ARL17A: variants seen among roughly 807,000 people sequenced by gnomAD.
The protein encoded by ARL17A is ADP-ribosylation factor-like 17-like.
chr17:46,550,883 T>C (rs1472562648), downstream of ARL17A, among the ~76,000 whole-genome samples: 1 of 146,612 alleles, frequency 6.8e-6, no homozygotes, highest in Non-Finnish European at 1.5e-5. Context: ...AGGTATAATC[T>C]CCACCCTCAC....
At chr17:46,548,668 A>C, downstream of ARL17A, 1 of 1,607,382 alleles carries the variant, frequency 6.2e-7, no homozygotes, top group South Asian at 1.1e-5. Flanking sequence ...CATCCAGAAA[A>C]GGCACTTCAA....
intron 3 of ARL17A, among the ~76,000 whole-genome samples, chr17:46,545,267 A>G (rs2056104754): frequency 7.1e-6 from 1 of 141,022 alleles, no homozygotes; most frequent in Non-Finnish European, 1.5e-5. Flanking sequence ...CTCTGTCACT[A>G]CTGAAAATAC....
At chr17:46,542,879 T>C (rs1172866236) in intron 3 of ARL17A, among the ~76,000 whole-genome samples, 1 of 150,300 alleles carries the variant, frequency 6.7e-6, no homozygotes, top group Non-Finnish European at 1.5e-5. Flanking sequence ...AAGATTAGCA[T>C]GGAAAGGGCC....
chr17:46,558,578 A>C (rs2057418910), intron 3 of ARL17A, among the ~76,000 whole-genome samples: 1 of 128,464 alleles, frequency 7.8e-6, no homozygotes, highest in Admixed American at 7.7e-5. Flanking sequence ...TTTTTTCTAA[A>C]AACAGTTTCA....
rs1215569056 is a variant in ARL17A, at chr17:46,542,286, TCTC to T, written c.260-3863_260-3861del. ...GTCTAATCCAGCGTCTAAAAGATTT[TCTC>T]CTATGTCTTCTCCCAGAAATGATAC... On this transcript the variant is annotated intron_variant, in intron 3 of 4. Coordinates refer to the ARL17A transcript ENST00000329240. Among the ~76,000 whole-genome samples, 12 of 147,556 alleles carry T rather than the reference TCTC, an allele frequency of 8.1e-5. 1 individual carries two copies. Among genetic ancestry groups the T allele is most frequent in the African/African-American group, 2.9e-4 (11 of 37,892 alleles).
intron 3 of ARL17A, among the ~76,000 whole-genome samples, chr17:46,544,988 G>A (rs1202659810): frequency 7.1e-6 from 1 of 140,338 alleles, no homozygotes; most frequent in Non-Finnish European, 1.5e-5. Flanking sequence ...CCACAATCCA[G>A]ATTTGTCTGT....
At chr17:46,537,161 CTTT>C (rs1212155417) in intron 4 of ARL17A, among the ~76,000 whole-genome samples, 13 of 7,774 alleles carry the variant, frequency 1.7e-3, no homozygotes, top group Admixed American at 3.7e-3. Flanking sequence ...TTGGATGTCT[CTTT>C]TTTTTTTTTT....
intron 4 of ARL17A, among the ~76,000 whole-genome samples, chr17:46,533,218 G>A (rs1445314019): frequency 6.9e-5 from 7 of 100,836 alleles, no homozygotes; most frequent in Admixed American, 6.2e-4. Flanking sequence ...AGGAGTTTGA[G>A]ACCAGCCTGG....
At position 46,520,912 on chromosome 17, in the gene ARL17A, C is replaced by A; in HGVS notation, c.260-3679G>T. Among the ~76,000 whole-genome samples the A allele has an allele frequency of 2.6e-5, 2 of 78,346 alleles. 1 individual carries two copies. The highest frequency in any genetic ancestry group is 4.9e-4 in the East Asian group (2 of 4,102). The allele number at this position is 78,346 out of a possible 152,430, so 51.4% of individuals were successfully genotyped here. A position where few individuals can be genotyped will look rare whatever the true frequency, so the allele number is the denominator to read the frequency against. On this transcript the variant is annotated intron_variant, in intron 3 of 4. Transcript: ENST00000445552. Reference sequence around the variant, plus strand: ...GGTAATTTAATCGGAATTAAATTAACATTTAAATATTAAAAATAGCTGAAT... The same window carrying A: ...GGTAATTTAATCGGAATTAAATTAAAATTTAAATATTAAAAATAGCTGAAT...
intron 4 of ARL17A, among the ~76,000 whole-genome samples, chr17:46,534,730 G>C (rs1598409525): frequency 6.7e-6 from 1 of 150,002 alleles, no homozygotes; most frequent in African/African-American, 2.5e-5. Context: ...CAGACGGGGT[G>C]GCGGCCGGGC....
At chr17:46,533,604 C>T (rs866629060) in intron 4 of ARL17A, among the ~76,000 whole-genome samples, 32 of 105,244 alleles carry the variant, frequency 3.0e-4, no homozygotes, top group South Asian at 3.0e-4. Context: ...CAGGTTCAAG[C>T]GATTCTAGTG....
chr17:46,541,184 C>A (rs1303720918), intron 3 of ARL17A, among the ~76,000 whole-genome samples: 1 of 146,218 alleles, frequency 6.8e-6, no homozygotes, highest in African/African-American at 2.7e-5. Context: ...TTGCCTTTTC[C>A]AGAATGTCTT....
chr17:46,502,851 T>G, the ARL17A span, among the ~76,000 whole-genome samples: 1 of 150,918 alleles, frequency 6.6e-6, no homozygotes, highest in Admixed American at 6.6e-5. Flanking sequence ...GTTTCCTAGA[T>G]GTTCCGAAAG....
intron 4 of ARL17A, among the ~76,000 whole-genome samples, chr17:46,529,063 C>G (rs1050054357): frequency 1.9e-5 from 2 of 106,408 alleles, no homozygotes; most frequent in African/African-American, 6.8e-5. Flanking sequence ...GACATTTTTT[C>G]AGCTAGAGCT....
chr17:46,557,927 G>GT lies in ARL17A; in HGVS notation c.260-298dup, dbSNP rs571315092. ...GAGAAACACCTGGGATTGATTCAGA[G>GT]TTTTTTCTGGAATGTTTTCACTGGA... On this transcript the variant is annotated intron_variant, in intron 3 of 3. Transcript: ENST00000336125. 2.9e-3 allele frequency among the ~76,000 whole-genome samples: 328 copies of GT among 112,202 alleles called. 32 individuals carry two copies. In the East Asian group the frequency reaches 0.075, roughly 26 times the overall value. The allele number at this position is 112,202 out of a possible 152,430, so 73.6% of individuals were successfully genotyped here.
downstream of ARL17A, chr17:46,549,306 A>G (rs1218307946): frequency 6.2e-7 from 1 of 1,608,238 alleles, no homozygotes; most frequent in Non-Finnish European, 8.5e-7. Context: ...ATAATACAAA[A>G]CACACAACTG....
chr17:46,522,508 A>G (rs1290018826), intron 3 of ARL17A, among the ~76,000 whole-genome samples: 1,076 of 103,430 alleles, frequency 0.01, no homozygotes, highest in African/African-American at 0.04. Context: ...GCAGTGGTGC[A>G]ATCTTGGCTC....
At chr17:46,575,313 G>C (rs967747381) in intron 2 of ARL17A, among the ~76,000 whole-genome samples, 1 of 150,584 alleles carries the variant, frequency 6.6e-6, no homozygotes, top group African/African-American at 2.5e-5. Flanking sequence ...TTCACAGTAA[G>C]AGCAGTGCAG....
the ARL17A span, among the ~76,000 whole-genome samples, chr17:46,501,616 G>T: frequency 6.6e-6 from 1 of 151,212 alleles, no homozygotes. Context: ...GTTCTCAGAG[G>T]ATGGAAACAT....
Sources: gnomAD v4.1 joint callset for allele counts (sites outside exome capture counted in the v4.1 genomes callset) on GRCh38, gnomAD v4.1.1 for gene constraint, MANE v1.5 for transcripts, NCBI Gene and HGNC (gene_info 2026-07-23, HGNC 2026-07-21) for gene names.